KIF1A: variants seen among roughly 807,000 people sequenced by gnomAD.
The protein encoded by KIF1A is kinesin family member 1A.
In KIF1A, 46 loss-of-function variants were observed where a neutral mutation model predicts 227.3. The ratio of observed to expected loss-of-function variants is 0.20; its 90% CI spans 0.16 to 0.26. KIF1A has a LOEUF of 0.26. Among genes scored for constraint, KIF1A ranks in the 10% least tolerant of loss-of-function variants. KIF1A has a pLI of 1.00. For synonymous variants in KIF1A, 1,022 were observed against 1,012.8 expected, an observed-to-expected ratio of 1.01 and a Z score of -0.17; for missense variants, 1,683 against 2,485.9, an observed-to-expected ratio of 0.68 and a Z score of 6.87.
chr2:240,785,122 A>G (rs771161851), intron 6 of KIF1A, 22 bp from the exon 7 acceptor site: 2 of 1,591,740 alleles, frequency 1.3e-6, no homozygotes, highest in Non-Finnish European at 8.6e-7. Flanking sequence ...AAAGCCACGC[A>G]CGGTTACCCC....
rs575874837 is a variant in KIF1A, at chr2:240,737,074, G to C, written c.3996C>G (p.Ala1332=). 2 of 1,612,662 alleles carry C rather than the reference G, an allele frequency of 1.2e-6. No individual in the cohort carries two copies. The highest frequency in any genetic ancestry group is 2.2e-5 in the South Asian group (2 of 91,044). Residue 1332 remains alanine, a synonymous_variant, in exon 38 of 49, where the codon GCC becomes GCG. Transcript: ENST00000498729. ...AGTCTCCGACTCACCGGTCATCTTG[G>C]GCTGGGTGGATGTATCCGGAAGAGA... is the stretch of plus-strand genomic sequence containing the variant. ...NILSSGYIHP[A]QDDRTFYQFE... is the part of the protein sequence containing the mutation.
chr2:240,717,467 C>T (rs776337224), intron 48 of KIF1A, 61 bp from the exon 49 acceptor site: 81 of 1,512,294 alleles, frequency 5.4e-5, no homozygotes, highest in Non-Finnish European at 6.7e-5. Context: ...GCCATATCCA[C>T]CGTGCCCTGC....
intron 1 of KIF1A, among the ~76,000 whole-genome samples, chr2:240,804,865 CAGG>C (rs1383156047): frequency 2.6e-5 from 4 of 152,082 alleles, no homozygotes; most frequent in African/African-American, 9.7e-5. Context: ...CAAATCCTCC[CAGG>C]AGAAGGCTTC....
intron 42 of KIF1A, 56 bp downstream of exon 42, chr2:240,723,356 GC>G (rs1483332589): frequency 6.8e-7 from 1 of 1,471,916 alleles, no homozygotes; most frequent in African/African-American, 1.4e-5. Context: ...CTTTTGCTCT[GC>G]ACACAAAGCC....
chr2:240,730,092 C>T (rs1400947380), intron 38 of KIF1A, among the ~76,000 whole-genome samples: 2 of 152,348 alleles, frequency 1.3e-5, no homozygotes, highest in East Asian at 3.9e-4. Flanking sequence ...CCTGGCAACA[C>T]TCCTTAGTCC....
chr2:240,740,475 C>A lies in KIF1A; in HGVS notation c.3750-111G>T. On this transcript the variant is annotated intron_variant, in intron 35 of 48. Transcript: ENST00000498729. The surrounding 1 kb of genome is among the most constrained non-coding windows in gnomAD (Gnocchi z 6.1). ...AACAGGGAAAAGTCAGCAGCTCCCT[C>A]TGGTGAAGATCAGGTGGTCTGATCC... is the stretch of plus-strand genomic sequence containing the variant. 1.2e-6 allele frequency: 1 copy of A among 865,496 alleles called. No individual in the cohort carries two copies. The highest frequency in any genetic ancestry group is 1.9e-6 in the Non-Finnish European group (1 of 526,420). 53.6% of individuals were successfully genotyped at this position (865,496 alleles called of 1,614,324 possible).
chr2:240,720,057 T>A, intron 45 of KIF1A, 131 bp from the exon 46 acceptor site: 1 of 754,302 alleles, frequency 1.3e-6, no homozygotes, highest in Non-Finnish European at 1.9e-6. Context: ...TCTCCAGCTG[T>A]GCCCACAGTG....
rs899102602 is a variant in KIF1A at position 240,725,207 on chromosome 2, C to T, written c.4256+64G>A. The T allele has an allele frequency of 5.2e-6, 8 of 1,533,172 alleles. No individual in the cohort carries two copies. The highest frequency in any genetic ancestry group is 1.4e-5 in the African/African-American group (1 of 72,182). The allele number at this position is 1,533,172 out of a possible 1,614,324, so 95.0% of individuals were successfully genotyped here. A position where few individuals can be genotyped will look rare whatever the true frequency, so the allele number is the denominator to read the frequency against. On this transcript the variant is annotated intron_variant, in intron 40 of 48. Coordinates refer to ENST00000498729, the MANE Select transcript of KIF1A (RefSeq NM_001244008.2). This position sits in a 1 kb window ranked among gnomAD's most constrained non-coding sequence, Gnocchi z 5.8. ...GCCCAAGGACCGCTGCCAGGCAGAG[C>T]CCTGCCTGGCCCGCACCGAGACCAG...
Position 240,740,301 on chromosome 2 carries a change from G to A in KIF1A, c.3813C>T (p.His1271=), listed in dbSNP as rs1051025769. 1 of 1,613,118 alleles carries A rather than the reference G, an allele frequency of 6.2e-7. No homozygotes were observed. Among genetic ancestry groups the A allele is most frequent in the African/African-American group, 1.3e-5 (1 of 74,894 alleles). Residue 1271 remains histidine (H), a synonymous_variant, in exon 36 of 49, where the codon CAC becomes CAT. Transcript: ENST00000498729. The surrounding 1 kb of genome is among the most constrained non-coding windows in gnomAD (Gnocchi z 6.1). Reference sequence around the variant, plus strand: ...TAGGGGCAAGAGGGGCTCACACCTGGTGGAGGAGGAAGGTCCCCATGCATG... The same window carrying A: ...TAGGGGCAAGAGGGGCTCACACCTGATGGAGGAGGAAGGTCCCCATGCATG... ...GMPCMGTFLL[H]QGIQRRITVT... is the part of the protein sequence containing the mutation.
intron 33 of KIF1A, 58 bp from the exon 34 acceptor site, chr2:240,743,042 A>G: frequency 7.3e-7 from 1 of 1,365,662 alleles, no homozygotes; most frequent in African/African-American, 1.4e-5. Context: ...AGGGGTCAGA[A>G]GGAGACAGAA....
In KIF1A at chr2:240,747,250, G is replaced by T; in HGVS notation, c.3049C>A (p.Gln1017Lys). The T allele has an allele frequency of 6.2e-7, 1 of 1,613,166 alleles. No individual in the cohort carries two copies. The highest frequency in any genetic ancestry group is 8.5e-7 in the Non-Finnish European group (1 of 1,179,350). Residue 1017 changes from glutamine to lysine, a missense_variant, in exon 29 of 49, where the codon CAG (glutamine) becomes AAG (lysine). Gln to Lys is a moderately conservative substitution (Grantham distance 53). This residue lies in a region of KIF1A where 759 missense variants were observed against 1,020.2 expected (regional missense o/e 0.74). Transcript: ENST00000498729. ...SGTAKISFDD[Q>K]HFEKFQSESC... ...GAGCTTGGTACCTTTTCAAAATGCT[G>T]GTCATCAAAGGAGATTTTAGCAGTT...
In KIF1A at chr2:240,780,283, C is replaced by T. The variant is rs576018593; in HGVS notation, c.882+2307G>A. On this transcript the variant is annotated intron_variant, in intron 10 of 48. Coordinates refer to ENST00000498729, the MANE Select transcript of KIF1A (RefSeq NM_001244008.2). ...CGGCGTCCCTCACACGATTCCCACG[C>T]GGCCCCACACCCCTCCACACACTTC... Among the ~76,000 whole-genome samples, 46 of 152,128 alleles carry T rather than the reference C, an allele frequency of 3.0e-4. No individual in the cohort carries two copies. In the East Asian group the frequency reaches 7.5e-3, roughly 25 times the overall value.
Position 240,775,698 on chromosome 2 carries a change from C to T in KIF1A, c.958+153G>A, listed in dbSNP as rs768377599. On this transcript the variant is annotated intron_variant, in intron 11 of 48. Transcript: ENST00000498729. This position sits in a 1 kb window ranked among gnomAD's most constrained non-coding sequence, Gnocchi z 5.5. ...TGCCCCAGGTCCTCCAGAAGGGCCACGAACTGACTGGACCCTCCAGGTTCA... is the reference window on the plus strand; with the variant it reads ...TGCCCCAGGTCCTCCAGAAGGGCCATGAACTGACTGGACCCTCCAGGTTCA... Among the ~76,000 whole-genome samples the T allele has an allele frequency of 3.3e-5, 5 of 152,162 alleles. No homozygotes were observed. The highest frequency in any genetic ancestry group is 1.9e-4 in the East Asian group (1 of 5,184).
At chr2:240,755,460 G>C (rs1033463307) in intron 27 of KIF1A, among the ~76,000 whole-genome samples, 1 of 152,176 alleles carries the variant, frequency 6.6e-6, no homozygotes, top group Non-Finnish European at 1.5e-5. Context: ...CCCCAATTTC[G>C]CTGAAGCTTT....
chr2:240,725,603 C>T lies in KIF1A; in HGVS notation c.4123-199G>A. The T allele has an allele frequency of 1.7e-6, 1 of 594,140 alleles. No homozygotes were observed. The highest frequency in any genetic ancestry group is 2.9e-6 in the Non-Finnish European group (1 of 341,784). The allele number at this position is 594,140 out of a possible 1,614,324, so 36.8% of individuals were successfully genotyped here. ...AGAAAACCCCACTGGGGACAGGTAG[C>T]CACAGCTCTGTCCACCCCTGGGCTG... On this transcript the variant is annotated intron_variant, in intron 39 of 48. Transcript: ENST00000498729. The surrounding 1 kb of genome is among the most constrained non-coding windows in gnomAD (Gnocchi z 5.8).
At position 240,740,204 on chromosome 2, in the gene KIF1A, G is replaced by A; in HGVS notation, c.3817-62C>T. 6.4e-7 allele frequency: 1 copy of A among 1,568,038 alleles called. No homozygotes were observed. The highest frequency in any genetic ancestry group is 8.7e-7 in the Non-Finnish European group (1 of 1,145,442). On this transcript the variant is annotated intron_variant, in intron 36 of 48. Coordinates refer to ENST00000498729, the MANE Select transcript of KIF1A (RefSeq NM_001244008.2). The surrounding 1 kb of genome is among the most constrained non-coding windows in gnomAD (Gnocchi z 6.1). ...TCAGGGGGCTACGTAGGGTGAGGGA[G>A]GGGGACACAGGCAGGGTAGGGGCAG...
rs768229113 is a variant in KIF1A, at chr2:240,767,031, G to A, written c.1578-10C>T. 1 of 1,592,750 alleles carries A rather than the reference G, an allele frequency of 6.3e-7. No homozygotes were observed. Among genetic ancestry groups the A allele is most frequent in the Admixed American group, 1.7e-5 (1 of 58,758 alleles). On this transcript the variant is annotated splice_polypyrimidine_tract_variant and intron_variant, in intron 18 of 48. Transcript: ENST00000498729. ...ATCCTCCCTGCCCACTCTGCGGGGTGGGGGCACCATCAGCACGGCAGCTGG... is the reference window on the plus strand; with the variant it reads ...ATCCTCCCTGCCCACTCTGCGGGGTAGGGGCACCATCAGCACGGCAGCTGG...
In KIF1A at chr2:240,758,562, C is replaced by T; in HGVS notation, c.2445-65G>A. On this transcript the variant is annotated intron_variant, in intron 25 of 48. Coordinates refer to ENST00000498729, the MANE Select transcript of KIF1A (RefSeq NM_001244008.2). The surrounding 1 kb of genome is among the most constrained non-coding windows in gnomAD (Gnocchi z 5.2). ...CGCTCAGCAGCTGGCACCGCACACC[C>T]TTATCTCCTGGGGACAGTGGGCTCA... 1 of 1,449,054 alleles carries T rather than the reference C, an allele frequency of 6.9e-7. No homozygotes were observed. The highest frequency in any genetic ancestry group is 1.4e-5 in the African/African-American group (1 of 70,494). 89.8% of individuals were successfully genotyped at this position (1,449,054 alleles called of 1,614,324 possible).
chr2:240,812,769 G>GCAA (rs1175823150), intron 1 of KIF1A, among the ~76,000 whole-genome samples: 1 of 147,778 alleles, frequency 6.8e-6, no homozygotes. Context: ...CCTTCACCTT[G>GCAA]GGATCTGCCT....
Sources: gnomAD v4.1 joint callset for allele counts (sites outside exome capture counted in the v4.1 genomes callset) on GRCh38, gnomAD v4.1.1 for gene constraint, gnomAD v4.1.1 regional missense constraint, Gnocchi (gnomAD v3.1) non-coding constraint, MANE v1.5 for transcripts, NCBI Gene and HGNC (gene_info 2026-07-23, HGNC 2026-07-21) for gene names.